The following MACROD2 variants were observed in gnomAD, a reference collection of about 807,000 sequenced individuals.
The protein encoded by MACROD2 is mono-ADP ribosylhydrolase 2, also known as ADP-ribose glycohydrolase MACROD2.
Under a neutral mutation model 70.4 loss-of-function variants are expected in MACROD2, and 36 were observed. That is an observed-to-expected ratio of 0.51 (90% CI 0.39 to 0.68). The LOEUF is 0.68. Ranked by LOEUF, MACROD2 falls within the 30% of genes least tolerant of loss-of-function variation. MACROD2 has a pLI of 0.00. For missense variants in MACROD2, 496 were observed against 538.4 expected, an observed-to-expected ratio of 0.92 and a Z score of 0.78; for synonymous variants, 172 against 178.8, an observed-to-expected ratio of 0.96 and a Z score of 0.30.
At chr20:15,562,020 C>G (rs1040713717) in intron 8 of MACROD2, among the ~76,000 whole-genome samples, 7 of 152,140 alleles carry the variant, frequency 4.6e-5, no homozygotes, top group African/African-American at 1.7e-4. Flanking sequence ...GAAGCAGCCT[C>G]TCTCGTACCA....
At chr20:15,088,010 T>C (rs572028154) in intron 5 of MACROD2, among the ~76,000 whole-genome samples, 1 of 152,122 alleles carries the variant, frequency 6.6e-6, no homozygotes, top group Admixed American at 6.5e-5. Flanking sequence ...ATTGATTTTT[T>C]TCACATGCCA....
At chr20:15,029,341 C>T (rs181269454) in intron 5 of MACROD2, among the ~76,000 whole-genome samples, 49 of 152,244 alleles carry the variant, frequency 3.2e-4, no homozygotes, top group Middle Eastern at 3.4e-3. Context: ...GTAGATTGCA[C>T]GAGACTTATT....
rs954438869 is a variant in MACROD2, at chr20:15,919,495, G to A, written c.776-13781G>A. On this transcript the variant is annotated intron_variant, in intron 10 of 17. Coordinates refer to ENST00000684519, the MANE Select transcript of MACROD2 (RefSeq NM_001351661.2). ...CTCATGCCTGTAATCCCAGCCCTTTGGGAGGCCGAGGTGGGCAGATCATGA... is the reference window on the plus strand; with the variant it reads ...CTCATGCCTGTAATCCCAGCCCTTTAGGAGGCCGAGGTGGGCAGATCATGA... Among the ~76,000 whole-genome samples the A allele has an allele frequency of 2.6e-5, 4 of 152,150 alleles. No individual in the cohort carries two copies. In the East Asian group the frequency reaches 7.7e-4, roughly 29 times the overall value.
At chr20:14,904,571 A>G (rs1338825282) in intron 5 of MACROD2, among the ~76,000 whole-genome samples, 1 of 152,208 alleles carries the variant, frequency 6.6e-6, no homozygotes, top group Non-Finnish European at 1.5e-5. Flanking sequence ...GAACTACAAC[A>G]GTGGAGATAA....
intron 5 of MACROD2, among the ~76,000 whole-genome samples, chr20:14,995,408 G>A (rs767896529): frequency 6.6e-5 from 10 of 152,090 alleles, no homozygotes; most frequent in Middle Eastern, 6.8e-3. Flanking sequence ...AGGTGCGGTG[G>A]CTCACACCTG....
intron 6 of MACROD2, among the ~76,000 whole-genome samples, chr20:15,324,424 C>T (rs758243411): frequency 1.3e-5 from 2 of 152,148 alleles, no homozygotes; most frequent in Non-Finnish European, 2.9e-5. Flanking sequence ...GCTGGGGACT[C>T]CTAATGCTCT....
chr20:14,596,235 G>C (rs1378880088), intron 4 of MACROD2, among the ~76,000 whole-genome samples: 1 of 151,412 alleles, frequency 6.6e-6, no homozygotes, highest in Middle Eastern at 3.2e-3. Context: ...ACATACAGGC[G>C]CCCGCCACCA....
chr20:15,338,984 A>C (rs533929448), intron 6 of MACROD2, among the ~76,000 whole-genome samples: 1 of 151,884 alleles, frequency 6.6e-6, no homozygotes, highest in African/African-American at 2.4e-5. Flanking sequence ...GAAGCTTGTT[A>C]ATATCAACAA....
chr20:15,291,045 A>G (rs1349614911), intron 6 of MACROD2, among the ~76,000 whole-genome samples: 1 of 152,232 alleles, frequency 6.6e-6, no homozygotes, highest in African/African-American at 2.4e-5. Flanking sequence ...AATTGCTGAA[A>G]CAAAAAGAAA....
At chr20:14,658,456 C>T (rs376731955) in intron 4 of MACROD2, among the ~76,000 whole-genome samples, 2 of 152,264 alleles carry the variant, frequency 1.3e-5, no homozygotes, top group South Asian at 2.1e-4. Context: ...AGGAACTGTA[C>T]TCTTAAAATT....
At chr20:14,119,779 C>CA (rs2054561296) in intron 3 of MACROD2, among the ~76,000 whole-genome samples, 2 of 152,010 alleles carry the variant, frequency 1.3e-5, no homozygotes, top group Non-Finnish European at 2.9e-5. Flanking sequence ...AATATATAGG[C>CA]AAAAGCTAGT....
intron 6 of MACROD2, among the ~76,000 whole-genome samples, chr20:15,401,580 CTG>C (rs2045931156): frequency 6.6e-6 from 1 of 152,138 alleles, no homozygotes; most frequent in Non-Finnish European, 1.5e-5. Flanking sequence ...CCAAACCTCT[CTG>C]TGTTTTTCAT....
chr20:14,488,257 A>G (rs1264369016), intron 3 of MACROD2, among the ~76,000 whole-genome samples: 1 of 152,176 alleles, frequency 6.6e-6, no homozygotes, highest in Non-Finnish European at 1.5e-5. Context: ...TTTTTTCCCT[A>G]TTCAGATATG....
intron 6 of MACROD2, among the ~76,000 whole-genome samples, chr20:15,302,467 C>G (rs2077656528): frequency 6.6e-6 from 1 of 152,172 alleles, no homozygotes; most frequent in African/African-American, 2.4e-5. Context: ...TTGCCTTACT[C>G]ACTTAACAGT....
chr20:15,084,061 T>G (rs1035970943), intron 5 of MACROD2, among the ~76,000 whole-genome samples: 2 of 80,308 alleles, frequency 2.5e-5, no homozygotes, highest in Non-Finnish European at 5.3e-5. Flanking sequence ...AACACTAGGT[T>G]TTTTTTTTTT....
intron 5 of MACROD2, among the ~76,000 whole-genome samples, chr20:14,766,213 G>A (rs1487943438): frequency 6.6e-6 from 1 of 152,090 alleles, no homozygotes; most frequent in Non-Finnish European, 1.5e-5. Context: ...TGGACAGGGA[G>A]TGCTGGCTTA....
At chr20:14,017,259 A>G (rs1187287627) in intron 2 of MACROD2, among the ~76,000 whole-genome samples, 4 of 152,154 alleles carry the variant, frequency 2.6e-5, no homozygotes, top group South Asian at 4.1e-4. Context: ...CGATCATGTC[A>G]TCTGTGAACA....
intron 4 of MACROD2, among the ~76,000 whole-genome samples, chr20:14,533,085 A>G (rs2085325453): frequency 6.6e-6 from 1 of 151,946 alleles, no homozygotes; most frequent in African/African-American, 2.4e-5. Context: ...TTTCCAAAAA[A>G]CAGGAGATTT....
intron 3 of MACROD2, among the ~76,000 whole-genome samples, chr20:14,213,386 A>AAAAAAAAC (rs2081587125): frequency 6.8e-6 from 1 of 146,228 alleles, no homozygotes; most frequent in Non-Finnish European, 1.5e-5. Context: ...AAAAAAAAAA[A>AAAAAAAAC]GGCCAATTAT....
Sources: allele counts gnomAD v4.1 joint callset (sites outside exome capture counted in the v4.1 genomes callset), GRCh38; gene constraint gnomAD v4.1.1; transcripts MANE v1.5; gene names NCBI Gene and HGNC (gene_info 2026-07-23, HGNC 2026-07-21).